Variants in GLIS3 observed in about 807,000 individuals in gnomAD.
GLIS3 encodes the protein zinc finger protein GLIS3.
A neutral mutation model predicts 78.6 loss-of-function variants in GLIS3; 53 were observed. The ratio of observed to expected loss-of-function variants is 0.67; its 90% CI spans 0.54 to 0.85. The LOEUF (loss-of-function observed/expected upper bound fraction) is 0.85, where lower values mean the gene tolerates loss of function less well. Among genes scored for constraint, GLIS3 ranks in the 40% least tolerant of loss-of-function variants. GLIS3 has a pLI of 0.00. For synonymous variants in GLIS3, 684 were observed against 509.9 expected (o/e 1.34, Z -4.60); for missense variants, 1,703 against 1,231.1 (o/e 1.38, Z -5.74).
At chr9:3,949,403 C>T (rs2130836723) in intron 4 of GLIS3, among the ~76,000 whole-genome samples, 1 of 152,268 alleles carries the variant, frequency 6.6e-6, no homozygotes, top group Non-Finnish European at 1.5e-5. Flanking sequence ...CACTCAGAAG[C>T]CTGGGCTGCT....
At chr9:4,377,393 C>T in the GLIS3 span, among the ~76,000 whole-genome samples, 1 of 135,616 alleles carries the variant, frequency 7.4e-6, no homozygotes, top group Admixed American at 7.4e-5. Flanking sequence ...CTTTTGGAAT[C>T]TTGGAGTTAC....
intron 2 of GLIS3, among the ~76,000 whole-genome samples, chr9:4,243,732 C>G (rs1192118299): frequency 8.5e-5 from 13 of 152,122 alleles, no homozygotes; most frequent in Non-Finnish European, 1.9e-4. Context: ...AATAGTGTAG[C>G]CTCTCATCTG....
chr9:4,456,563 T>C, the GLIS3 span, among the ~76,000 whole-genome samples: 1 of 152,236 alleles, frequency 6.6e-6, no homozygotes, highest in African/African-American at 2.4e-5. Flanking sequence ...TCCAATAACT[T>C]TTCCTTTACA....
At chr9:4,055,901 G>C (rs1368183506) in intron 4 of GLIS3, among the ~76,000 whole-genome samples, 1 of 152,142 alleles carries the variant, frequency 6.6e-6, no homozygotes, top group African/African-American at 2.4e-5. Flanking sequence ...AATGAACATC[G>C]ATGGCAGTGA....
rs1433160748 is a variant in GLIS3, at chr9:4,312,161, TTTTTTA to T, written n.265-1639_265-1634del. On this transcript the variant is annotated intron_variant and non_coding_transcript_variant, in intron 2 of 4. Coordinates refer to the GLIS3 transcript ENST00000471664. Reference sequence around the variant, plus strand: ...TAAAAGTTTTTGTTTTTGTTTTTGTTTTTTTAAAAGAAAGAAACTTTACAGGCTGGG... The same window carrying T: ...TAAAAGTTTTTGTTTTTGTTTTTGTTAAAGAAAGAAACTTTACAGGCTGGG... 2.2e-5 allele frequency among the ~76,000 whole-genome samples: 3 copies of T among 136,250 alleles called. No individual in the cohort carries two copies. In the East Asian group the frequency reaches 5.8e-4, roughly 26 times the overall value. 89.4% of individuals were successfully genotyped at this position (136,250 alleles called of 152,430 possible). A position where few individuals can be genotyped will look rare whatever the true frequency, so the allele number is the denominator to read the frequency against.
rs117279088 is a variant in GLIS3, at chr9:3,855,803, T to A, written c.2473+206A>T. ...AACTTGAGCTGACCAGTGCGATGTG[T>A]CATAAATCATACCATCATCAGGCCA... On this transcript the variant is annotated intron_variant, in intron 9 of 10. Coordinates refer to ENST00000381971, the MANE Select transcript of GLIS3 (RefSeq NM_001042413.2). 1,128 of 615,626 alleles carry A rather than the reference T, an allele frequency of 1.8e-3. 3 individuals are homozygous for A. Among genetic ancestry groups the A allele is most frequent in the Non-Finnish European group, 2.4e-3 (809 of 341,560 alleles). The allele number at this position is 615,626 out of a possible 1,614,324, so 38.1% of individuals were successfully genotyped here. A position where few individuals can be genotyped will look rare whatever the true frequency, so the allele number is the denominator to read the frequency against.
At chr9:4,304,627 A>G (rs765122379), upstream of GLIS3, among the ~76,000 whole-genome samples, 1 of 152,200 alleles carries the variant, frequency 6.6e-6, no homozygotes, top group Non-Finnish European at 1.5e-5. Context: ...AAGAAGGTGA[A>G]TTATTTAAAA....
At chr9:4,276,471 C>T (rs532283430) in intron 2 of GLIS3, among the ~76,000 whole-genome samples, 1 of 2,976 alleles carries the variant, frequency 3.4e-4, no homozygotes, top group Admixed American at 4.0e-3. Flanking sequence ...GGGAAGGGGA[C>T]GGGAGGGGAG....
chr9:4,128,203 T>C (rs1344221392), intron 2 of GLIS3, among the ~76,000 whole-genome samples: 1 of 152,212 alleles, frequency 6.6e-6, no homozygotes, highest in East Asian at 1.9e-4. Flanking sequence ...TCTGCATCTT[T>C]AAGGTCTCAA....
rs116876570 is a variant in GLIS3 at position 3,983,328 on chromosome 9, C to A, written c.1711-46139G>T. On this transcript the variant is annotated intron_variant, in intron 4 of 10. Transcript: ENST00000381971. ...CATGTGGAACTGTAAGTCCATTAAA[C>A]CTCTTCTGTAAATTGCCCAGTCTCT... 2.3e-3 allele frequency among the ~76,000 whole-genome samples: 355 copies of A among 152,270 alleles called. 11 individuals are homozygous for A. The East Asian group carries it at 0.062, about 27-fold the overall frequency.
chr9:4,137,725 G>A (rs1228579226), intron 2 of GLIS3, among the ~76,000 whole-genome samples: 1 of 152,186 alleles, frequency 6.6e-6, no homozygotes, highest in African/African-American at 2.4e-5. Flanking sequence ...TTAGTAGAGA[G>A]TGCTCATGCT....
intron 2 of GLIS3, among the ~76,000 whole-genome samples, chr9:4,311,031 A>G (rs2130526037): frequency 6.6e-6 from 1 of 152,336 alleles, no homozygotes; most frequent in African/African-American, 2.4e-5. Flanking sequence ...ACTTCTAAGG[A>G]TGGGGACTTT....
Position 3,827,733 on chromosome 9 carries a change from C to T in GLIS3, c.*539G>A, listed in dbSNP as rs543513851. ...GAAACACTGAGAAGCAACTGGTTAGCATGTGGCTAAGAGAAAAGGGAAACC... is the reference window on the plus strand; with the variant it reads ...GAAACACTGAGAAGCAACTGGTTAGTATGTGGCTAAGAGAAAAGGGAAACC... On this transcript the variant is annotated 3_prime_UTR_variant, in exon 11 of 11. Coordinates refer to ENST00000381971, the MANE Select transcript of GLIS3 (RefSeq NM_001042413.2). 3.1e-5 allele frequency: 5 copies of T among 161,680 alleles called. No homozygotes were observed. In the South Asian group the frequency reaches 8.2e-4, roughly 27 times the overall value. The allele number at this position is 161,680 out of a possible 1,614,324, so 10.0% of individuals were successfully genotyped here.
At chr9:4,033,766 T>C (rs1824058992) in intron 4 of GLIS3, among the ~76,000 whole-genome samples, 1 of 147,494 alleles carries the variant, frequency 6.8e-6, no homozygotes, top group Non-Finnish European at 1.5e-5. Context: ...ACTAACTCCT[T>C]AAATGAATGC....
chr9:4,098,029 G>T (rs886750031), intron 4 of GLIS3, among the ~76,000 whole-genome samples: 1 of 152,080 alleles, frequency 6.6e-6, no homozygotes, highest in African/African-American at 2.4e-5. Flanking sequence ...TAAAATCAGG[G>T]TCTCAGCATC....
At chr9:4,477,660 C>T in the GLIS3 span, among the ~76,000 whole-genome samples, 77 of 152,214 alleles carry the variant, frequency 5.1e-4, no homozygotes, top group African/African-American at 1.7e-3. Context: ...GCGATCCTCC[C>T]GCCTGGGCCT....
intron 2 of GLIS3, among the ~76,000 whole-genome samples, chr9:4,328,756 CATA>C (rs71497529): frequency 0.15 from 22,400 of 152,122 alleles, 1,687 homozygotes; most frequent in East Asian, 0.23. Context: ...CAGGTATGGA[CATA>C]ATCTCTCTGC....
chr9:4,316,786 A>C (rs901747420), intron 2 of GLIS3, among the ~76,000 whole-genome samples: 2 of 152,162 alleles, frequency 1.3e-5, no homozygotes, highest in East Asian at 1.9e-4. Flanking sequence ...TAATTATCTT[A>C]GTTATTTTTA....
intron 2 of GLIS3, among the ~76,000 whole-genome samples, chr9:4,163,402 A>G (rs983061491): frequency 2.6e-5 from 4 of 152,286 alleles, no homozygotes; most frequent in Admixed American, 6.5e-5. Context: ...ATTTCATTTT[A>G]CAGATGAACA....
Sources: allele counts gnomAD v4.1 joint callset (sites outside exome capture counted in the v4.1 genomes callset), GRCh38; gene constraint gnomAD v4.1.1; transcripts MANE v1.5; gene names NCBI Gene and HGNC (gene_info 2026-07-23, HGNC 2026-07-21).